The following NTN1 variants were observed in gnomAD, a reference collection of about 807,000 sequenced individuals.
NTN1 encodes the protein netrin-1.
Under a neutral mutation model 54.2 loss-of-function variants are expected in NTN1, and 11 were observed. The observed-to-expected ratio is 0.20, with a 90% CI of 0.13 to 0.34. The LOEUF (loss-of-function observed/expected upper bound fraction) is 0.34. Among genes scored for constraint, NTN1 ranks in the 10% least tolerant of loss-of-function variants. The probability of loss-of-function intolerance (pLI) is 1.00; values close to 1 mark genes in which losing one functional copy is unlikely to be tolerated. For synonymous variants in NTN1, 371 were observed against 382.0 expected (o/e 0.97, Z 0.33); for missense variants, 740 against 893.1 (o/e 0.83, Z 2.18).
In NTN1 at chr17:9,051,475, AC is replaced by A. The variant is rs1197332051; in HGVS notation, c.1018+28088del. Among the ~76,000 whole-genome samples, 4 of 152,018 alleles carry A rather than the reference AC, an allele frequency of 2.6e-5. No homozygotes were observed. The East Asian group carries it at 7.7e-4, about 29-fold the overall frequency. ...CTCCTTGTACCTGTCTTCAATTCCA[AC>A]CCCTCTCCACTTTGCAGTATGTGGG... On this transcript the variant is annotated intron_variant, in intron 2 of 6. Transcript: ENST00000173229.
intron 3 of NTN1, among the ~76,000 whole-genome samples, chr17:9,164,870 A>C (rs762350206): frequency 6.6e-6 from 1 of 152,172 alleles, no homozygotes; most frequent in Non-Finnish European, 1.5e-5. Flanking sequence ...TGGCCCAGGC[A>C]AAGGGACCCG....
In NTN1 at chr17:9,023,305, C is replaced by T. The variant is rs1171304335; in HGVS notation, c.932C>T (p.Ala311Val). The change falls in exon 2 of 7, where the codon GCC becomes GTC. Residue 311 changes from alanine (A) to valine (V), a missense_variant. Physicochemically the swap from Ala to Val is moderately conservative, Grantham distance 64. Coordinates refer to ENST00000173229, the MANE Select transcript of NTN1 (RefSeq NM_004822.3). ...SLVCDCRHNT[A>V]GPECDRCKPF... is the part of the protein sequence containing the mutation. ...GTGTGCGACTGCAGGCACAACACGG[C>T]CGGCCCGGAGTGCGACCGCTGCAAG... is the stretch of plus-strand genomic sequence containing the variant. 6.5e-7 allele frequency: 1 copy of T among 1,544,600 alleles called. No homozygotes were observed. Among genetic ancestry groups the T allele is most frequent in the Non-Finnish European group, 8.7e-7 (1 of 1,147,452 alleles).
chr17:9,207,877 C>A (rs539133935), intron 5 of NTN1, among the ~76,000 whole-genome samples: 1 of 152,340 alleles, frequency 6.6e-6, no homozygotes, highest in South Asian at 2.1e-4. Context: ...TCTGGTGCCA[C>A]TCAAACCCTC....
chr17:9,027,278 T>C (rs2091874401), intron 2 of NTN1, among the ~76,000 whole-genome samples: 1 of 152,214 alleles, frequency 6.6e-6, no homozygotes, highest in Non-Finnish European at 1.5e-5. Context: ...TGATTAACCC[T>C]GGAGGACTTA....
chr17:9,120,883 AC>A (rs769129896), intron 2 of NTN1, among the ~76,000 whole-genome samples: 2 of 152,212 alleles, frequency 1.3e-5, no homozygotes, highest in Non-Finnish European at 2.9e-5. Flanking sequence ...GCTTAAAAAT[AC>A]TCAGGTTTTC....
intron 2 of NTN1, among the ~76,000 whole-genome samples, chr17:9,049,324 C>G (rs1372834020): frequency 6.6e-6 from 1 of 152,120 alleles, no homozygotes; most frequent in African/African-American, 2.4e-5. Context: ...GAATAACTTA[C>G]AGTGAAGAAA....
intron 6 of NTN1, among the ~76,000 whole-genome samples, chr17:9,232,470 A>G (rs57676249): frequency 0.018 from 2,740 of 151,122 alleles, 133 homozygotes; most frequent in African/African-American, 0.064. Flanking sequence ...AGGACCTAGC[A>G]GGGGAAACTG....
At chr17:9,030,969 G>A (rs1007412525) in intron 2 of NTN1, among the ~76,000 whole-genome samples, 2 of 152,138 alleles carry the variant, frequency 1.3e-5, no homozygotes, top group South Asian at 2.1e-4. Context: ...GTCTCAGCTC[G>A]CTGCACACGT....
chr17:9,163,055 C>T lies in NTN1; in HGVS notation c.1207+54C>T, dbSNP rs150069617. On this transcript the variant is annotated intron_variant, in intron 3 of 6. Transcript: ENST00000173229. ...TGGGGAGACCCGGGGAACATCAGTC[C>T]TCCCGCTCCCTCCTCGCTTCCTTTT... is the stretch of plus-strand genomic sequence containing the variant. The T allele has an allele frequency of 7.3e-6, 11 of 1,497,752 alleles. No individual in the cohort carries two copies. The East Asian group carries it at 2.4e-4, about 33-fold the overall frequency. 92.8% of individuals were successfully genotyped at this position (1,497,752 alleles called of 1,614,324 possible).
At chr17:9,154,612 C>A (rs9896508) in intron 2 of NTN1, among the ~76,000 whole-genome samples, 24,503 of 151,956 alleles carry the variant, frequency 0.16, 2,075 homozygotes, top group African/African-American at 0.18. Flanking sequence ...GGAGTTGCTC[C>A]ACCCAGCCAT....
At chr17:9,043,442 G>GA (rs1451099678) in intron 2 of NTN1, among the ~76,000 whole-genome samples, 1 of 152,158 alleles carries the variant, frequency 6.6e-6, no homozygotes, top group African/African-American at 2.4e-5. Flanking sequence ...CAGAGTCACA[G>GA]AGCTGCAAAA....
chr17:9,216,417 C>T (rs547469890), intron 5 of NTN1, among the ~76,000 whole-genome samples: 1 of 152,280 alleles, frequency 6.6e-6, no homozygotes, highest in African/African-American at 2.4e-5. Context: ...GTCTGCCATG[C>T]CCATTTGGCA....
chr17:9,051,448 G>C (rs910143407), intron 2 of NTN1, among the ~76,000 whole-genome samples: 1 of 152,168 alleles, frequency 6.6e-6, no homozygotes. Context: ...GCCAAGGTGG[G>C]GCTCCTTGTA....
intron 2 of NTN1, among the ~76,000 whole-genome samples, chr17:9,079,956 G>A (rs1056608982): frequency 2.0e-5 from 3 of 151,790 alleles, no homozygotes; most frequent in Non-Finnish European, 4.4e-5. Context: ...CCAAGGAAGT[G>A]GTTCCCCAGC....
intron 2 of NTN1, among the ~76,000 whole-genome samples, chr17:9,062,804 C>G (rs1174340477): frequency 1.3e-5 from 2 of 152,040 alleles, no homozygotes; most frequent in South Asian, 4.2e-4. Context: ...GCTCTGACAC[C>G]CAGCGTGTCT....
At chr17:9,003,570 G>C in the NTN1 span, among the ~76,000 whole-genome samples, 1 of 148,008 alleles carries the variant, frequency 6.8e-6, no homozygotes, top group East Asian at 2.0e-4. This position sits in a 1 kb window ranked among gnomAD's most constrained non-coding sequence, Gnocchi z 7.4. Context: ...GGTCGCGCTC[G>C]GCGGCCGGCC....
chr17:9,163,059 C>G, intron 3 of NTN1, 58 bp downstream of exon 3: 1 of 1,496,376 alleles, frequency 6.7e-7, no homozygotes, highest in African/African-American at 1.4e-5. Context: ...TCAGTCCTCC[C>G]GCTCCCTCCT....
intron 2 of NTN1, among the ~76,000 whole-genome samples, chr17:9,102,025 A>G (rs139721329): frequency 6.6e-6 from 1 of 152,334 alleles, no homozygotes; most frequent in East Asian, 1.9e-4. Flanking sequence ...AATAATAAAC[A>G]TGATCTGGTG....
At position 9,221,146 on chromosome 17, in the gene NTN1, C is replaced by T. The variant is rs777732536; in HGVS notation, c.1412-22C>T. On this transcript the variant is annotated intron_variant, in intron 5 of 6. Coordinates refer to ENST00000173229, the MANE Select transcript of NTN1 (RefSeq NM_004822.3). The surrounding 1 kb of genome is among the most constrained non-coding windows in gnomAD (Gnocchi z 4.5). Reference sequence around the variant, plus strand: ...CCAGCCTAATTAGTTTTTGTCTGTGCTCCCCCCCCACCCCCCTGCAGACTG... The same window carrying T: ...CCAGCCTAATTAGTTTTTGTCTGTGTTCCCCCCCCACCCCCCTGCAGACTG... 11 of 1,457,188 alleles carry T rather than the reference C, an allele frequency of 7.5e-6. No homozygotes were observed. Among genetic ancestry groups the T allele is most frequent in the African/African-American group, 3.9e-5 (2 of 51,202 alleles). The allele number at this position is 1,457,188 out of a possible 1,614,324, so 90.3% of individuals were successfully genotyped here.
Sources: allele counts gnomAD v4.1 joint callset (sites outside exome capture counted in the v4.1 genomes callset), GRCh38; gene constraint gnomAD v4.1.1; non-coding constraint Gnocchi (gnomAD v3.1); transcripts MANE v1.5; gene names NCBI Gene and HGNC (gene_info 2026-07-23, HGNC 2026-07-21).